CNBD1: variants seen among roughly 807,000 people sequenced by gnomAD.
The protein encoded by CNBD1 is cyclic nucleotide-binding domain-containing protein 1.
Under a neutral mutation model 54.4 loss-of-function variants are expected in CNBD1, and 71 were observed. The ratio of observed to expected loss-of-function variants is 1.30; its 90% CI spans 1.08 to 1.59. The LOEUF is 1.59. Among genes scored for constraint, CNBD1 ranks in the 40% most tolerant of loss-of-function variants. The pLI is 0.00. For synonymous variants in CNBD1, 182 were observed against 170.7 expected, an observed-to-expected ratio of 1.07 and a Z score of -0.51; for missense variants, 659 against 518.0, an observed-to-expected ratio of 1.27 and a Z score of -2.64.
chr8:87,290,582 T>C (rs1160328041), intron 8 of CNBD1, among the ~76,000 whole-genome samples: 1 of 152,204 alleles, frequency 6.6e-6, no homozygotes, highest in East Asian at 1.9e-4. Flanking sequence ...TCATGTGGAT[T>C]CAAATTACTA....
intron 6 of CNBD1, among the ~76,000 whole-genome samples, chr8:87,260,965 T>A (rs996109307): frequency 1.3e-4 from 20 of 152,044 alleles, no homozygotes; most frequent in Non-Finnish European, 2.5e-4. Flanking sequence ...TACCTAAGCA[T>A]GCAAGAAAAA....
At position 87,137,113 on chromosome 8, in the gene CNBD1, A is replaced by AT. The variant is rs1217059085; in HGVS notation, c.432-68878dup. Among the ~76,000 whole-genome samples, 55 of 58,164 alleles carry AT rather than the reference A, an allele frequency of 9.5e-4. 2 individuals are homozygous for AT. The highest frequency in any genetic ancestry group is 1.5e-3 in the African/African-American group (18 of 12,286). 38.2% of individuals were successfully genotyped at this position (58,164 alleles called of 152,430 possible). A position where few individuals can be genotyped will look rare whatever the true frequency, so the allele number is the denominator to read the frequency against. ...TTTATATTATATGTAAATTATATAT[A>AT]TTATATTTTTATTATATATAAATTA... On this transcript the variant is annotated intron_variant, in intron 4 of 10. Transcript: ENST00000518476.
chr8:87,096,806 T>G (rs977934717), intron 4 of CNBD1, among the ~76,000 whole-genome samples: 13 of 103,026 alleles, frequency 1.3e-4, no homozygotes, highest in Non-Finnish European at 2.4e-4. Context: ...TTTCTTCCCT[T>G]TTTTTTTTTT....
intron 4 of CNBD1, among the ~76,000 whole-genome samples, chr8:87,195,209 T>G (rs1813692073): frequency 6.7e-6 from 1 of 150,072 alleles, no homozygotes; most frequent in Admixed American, 6.8e-5. Flanking sequence ...GTGTTTTAAT[T>G]TCTTTGAGAA....
At chr8:87,005,736 G>C (rs1809084919) in intron 4 of CNBD1, among the ~76,000 whole-genome samples, 1 of 152,146 alleles carries the variant, frequency 6.6e-6, no homozygotes, top group East Asian at 1.9e-4. Flanking sequence ...AAGTAGGAGA[G>C]TTTTTAAGTT....
intron 4 of CNBD1, among the ~76,000 whole-genome samples, chr8:87,151,232 A>T (rs1812596835): frequency 6.6e-6 from 1 of 152,178 alleles, no homozygotes; most frequent in Non-Finnish European, 1.5e-5. Context: ...CCTTTGACCC[A>T]ATTTAGATGG....
chr8:87,072,159 T>C (rs1810771507), intron 4 of CNBD1, among the ~76,000 whole-genome samples: 1 of 152,156 alleles, frequency 6.6e-6, no homozygotes, highest in African/African-American at 2.4e-5. Context: ...CCTCTTTGCT[T>C]GTTAAATTTT....
rs1813370323 is a variant in CNBD1 at position 87,182,275 on chromosome 8, T to C, written c.432-23718T>C. Among the ~76,000 whole-genome samples the C allele has an allele frequency of 6.6e-6, 1 of 152,142 alleles. No homozygotes were observed. Among genetic ancestry groups the C allele is most frequent in the African/African-American group, 2.4e-5 (1 of 41,428 alleles). On this transcript the variant is annotated intron_variant, in intron 4 of 10. Transcript: ENST00000518476. This position sits in a 1 kb window ranked among gnomAD's most constrained non-coding sequence, Gnocchi z 4.1. ...TATTCCATGGTGTATATATACCATA[T>C]TTTCTTTATCCAGTTTACCATTGAT...
intron 8 of CNBD1, among the ~76,000 whole-genome samples, chr8:87,301,668 C>CA (rs1287763666): frequency 2.6e-5 from 4 of 151,770 alleles, no homozygotes; most frequent in African/African-American, 4.8e-5. Flanking sequence ...AATAGAGACA[C>CA]AAAAAACCCT....
At chr8:87,230,608 T>C (rs1231395846) in intron 5 of CNBD1, among the ~76,000 whole-genome samples, 1 of 152,210 alleles carries the variant, frequency 6.6e-6, no homozygotes, top group African/African-American at 2.4e-5. Context: ...GGTTTCTTCA[T>C]CTGCAATATG....
At chr8:87,396,209 C>G (rs1379897017) in intron 2 of CNBD1, among the ~76,000 whole-genome samples, 1 of 151,910 alleles carries the variant, frequency 6.6e-6, no homozygotes, top group African/African-American at 2.4e-5. Flanking sequence ...TTCCTTAGGA[C>G]CATTGTGACT....
intron 4 of CNBD1, among the ~76,000 whole-genome samples, chr8:87,049,365 A>C (rs2130621453): frequency 6.6e-6 from 1 of 152,306 alleles, no homozygotes; most frequent in East Asian, 1.9e-4. Flanking sequence ...ATGGAGAACC[A>C]GGAAAGCATA....
chr8:87,162,274 ATGAT>A (rs1812873580), intron 4 of CNBD1, among the ~76,000 whole-genome samples: 1 of 152,096 alleles, frequency 6.6e-6, no homozygotes, highest in Non-Finnish European at 1.5e-5. Context: ...AAAATGATAA[ATGAT>A]TGTACATTGC....
intron 8 of CNBD1, among the ~76,000 whole-genome samples, chr8:87,314,479 G>A (rs372004798): frequency 7.9e-5 from 12 of 151,852 alleles, no homozygotes; most frequent in African/African-American, 2.9e-4. Context: ...ATATGATAAA[G>A]TGATCTAAAA....
At chr8:87,160,415 C>T (rs1586298083) in intron 4 of CNBD1, among the ~76,000 whole-genome samples, 1 of 151,858 alleles carries the variant, frequency 6.6e-6, no homozygotes, top group East Asian at 1.9e-4. Context: ...CTATCTAAAA[C>T]TAGTACTGAA....
intron 1 of CNBD1, among the ~76,000 whole-genome samples, chr8:86,881,501 G>A (rs1041227266): frequency 6.6e-6 from 1 of 152,102 alleles, no homozygotes; most frequent in Non-Finnish European, 1.5e-5. Context: ...ATAAACAACT[G>A]CTCAAATAAA....
At chr8:87,017,879 G>A (rs1809400296) in intron 4 of CNBD1, among the ~76,000 whole-genome samples, 1 of 152,038 alleles carries the variant, frequency 6.6e-6, no homozygotes, top group South Asian at 2.1e-4. Context: ...AAAAACAAAG[G>A]CACTCGTTAT....
chr8:87,204,400 T>A (rs560976588), intron 4 of CNBD1, among the ~76,000 whole-genome samples: 2 of 152,294 alleles, frequency 1.3e-5, no homozygotes, highest in African/African-American at 4.8e-5. Flanking sequence ...TCATCAGACC[T>A]TTGCCATAGG....
chr8:86,983,926 G>C (rs1166021339), intron 4 of CNBD1, among the ~76,000 whole-genome samples: 2 of 152,146 alleles, frequency 1.3e-5, no homozygotes, highest in African/African-American at 4.8e-5. Context: ...AATGTGCCTA[G>C]TAATGAGAGG....
Sources: gnomAD v4.1 joint callset for allele counts (sites outside exome capture counted in the v4.1 genomes callset) on GRCh38, gnomAD v4.1.1 for gene constraint, Gnocchi (gnomAD v3.1) non-coding constraint, MANE v1.5 for transcripts, NCBI Gene and HGNC (gene_info 2026-07-23, HGNC 2026-07-21) for gene names.